The following ATAD2B variants were observed in gnomAD, a reference collection of about 807,000 sequenced individuals.
ATAD2B encodes ATPase family AAA domain containing 2B, also known as ATPase family AAA domain-containing protein 2B.
ATAD2B carries 40 observed loss-of-function variants against 167.6 expected under a neutral mutation model. That is an observed-to-expected ratio of 0.24 (90% CI 0.19 to 0.31). ATAD2B has a LOEUF of 0.31. ATAD2B is among the 10% of genes least tolerant of loss of function. The pLI, the probability that ATAD2B is intolerant of heterozygous loss-of-function variation, is 1.00. For missense variants in ATAD2B, 1,242 were observed against 1,757.2 expected, an observed-to-expected ratio of 0.71 and a Z score of 5.24; for synonymous variants, 579 against 596.5, an observed-to-expected ratio of 0.97 and a Z score of 0.43.
At chr2:23,733,137 A>C in the ATAD2B span, among the ~76,000 whole-genome samples, 1 of 152,192 alleles carries the variant, frequency 6.6e-6, no homozygotes, top group Non-Finnish European at 1.5e-5. Flanking sequence ...GAACATGCTC[A>C]GTTTTTTCAC....
intron 1 of ATAD2B, among the ~76,000 whole-genome samples, chr2:23,924,189 AAC>A (rs1376880306): frequency 2.0e-5 from 3 of 152,242 alleles, no homozygotes; most frequent in Non-Finnish European, 2.9e-5. Context: ...CTCAAAAAAA[AAC>A]AAACAAACAA....
chr2:23,921,345 T>C (rs1233471979), intron 1 of ATAD2B, among the ~76,000 whole-genome samples: 1 of 151,448 alleles, frequency 6.6e-6, no homozygotes, highest in Non-Finnish European at 1.5e-5. Flanking sequence ...TAATTCAAAG[T>C]AATATGGCAC....
intron 18 of ATAD2B, among the ~76,000 whole-genome samples, chr2:23,801,799 T>A (rs1683548463): frequency 6.6e-6 from 1 of 152,100 alleles, no homozygotes; most frequent in Non-Finnish European, 1.5e-5. Context: ...CCATTGAAGT[T>A]AGAAGTATCC....
At chr2:23,917,744 T>C (rs1553460143) in intron 1 of ATAD2B, among the ~76,000 whole-genome samples, 1 of 150,164 alleles carries the variant, frequency 6.7e-6, no homozygotes, top group Non-Finnish European at 1.5e-5. Flanking sequence ...CTGGGCAACA[T>C]AGTGAGACTC....
intron 12 of ATAD2B, among the ~76,000 whole-genome samples, chr2:23,861,535 AT>A (rs1694372204): frequency 6.6e-6 from 1 of 151,698 alleles, no homozygotes. Flanking sequence ...TACAGCAAAC[AT>A]TTCAACTATT....
At chr2:23,776,390 A>C (rs1389428671) in intron 22 of ATAD2B, among the ~76,000 whole-genome samples, 1 of 152,182 alleles carries the variant, frequency 6.6e-6, no homozygotes. Context: ...TCCATCTTAC[A>C]ACTGCCTTGA....
At chr2:23,829,592 A>C (rs970975183) in intron 14 of ATAD2B, among the ~76,000 whole-genome samples, 21 of 152,086 alleles carry the variant, frequency 1.4e-4, no homozygotes, top group African/African-American at 5.1e-4. Flanking sequence ...CTCTACAAAA[A>C]AATTGTTTTT....
At chr2:23,884,610 T>G (rs528366505) in intron 6 of ATAD2B, among the ~76,000 whole-genome samples, 155 bp downstream of exon 6, 27 of 152,306 alleles carry the variant, frequency 1.8e-4, no homozygotes, top group Middle Eastern at 6.8e-3. Context: ...AAACTCAGAT[T>G]GCCAACTGAA....
intron 8 of ATAD2B, chr2:23,872,366 G>A (rs1041663692): frequency 4.6e-6 from 3 of 645,952 alleles, no homozygotes; most frequent in Non-Finnish European, 8.8e-6. Flanking sequence ...TAGACAATGG[G>A]AATACTAGTC....
chr2:23,684,976 A>G, the ATAD2B span, among the ~76,000 whole-genome samples: 1 of 152,216 alleles, frequency 6.6e-6, no homozygotes, highest in Non-Finnish European at 1.5e-5. The surrounding 1 kb of genome is among the most constrained non-coding windows in gnomAD (Gnocchi z 4.4). Flanking sequence ...TAATGCCAGG[A>G]AAGCGCATCG....
chr2:23,890,728 C>A (rs1196999516), intron 2 of ATAD2B, among the ~76,000 whole-genome samples: 1 of 152,130 alleles, frequency 6.6e-6, no homozygotes, highest in Non-Finnish European at 1.5e-5. Context: ...AAGATGCAGA[C>A]CCTAAAGTCA....
At chr2:23,869,200 A>T (rs1173790184) in intron 9 of ATAD2B, among the ~76,000 whole-genome samples, 1 of 152,236 alleles carries the variant, frequency 6.6e-6, no homozygotes, top group Admixed American at 6.5e-5. Context: ...AGTTAGGGAA[A>T]GATCACCAGA....
intron 22 of ATAD2B, among the ~76,000 whole-genome samples, chr2:23,766,945 G>A (rs974317491): frequency 1.3e-5 from 2 of 150,494 alleles, no homozygotes; most frequent in African/African-American, 4.9e-5. Flanking sequence ...AACTAGTGCA[G>A]GTTCAGAAAA....
intron 13 of ATAD2B, among the ~76,000 whole-genome samples, chr2:23,850,183 G>A (rs551036026): frequency 4.7e-4 from 69 of 147,842 alleles, no homozygotes; most frequent in African/African-American, 1.7e-3. Context: ...ATGATCTCTA[G>A]ATCACAATAA....
intron 25 of ATAD2B, among the ~76,000 whole-genome samples, chr2:23,756,326 A>T (rs551637811): frequency 6.6e-6 from 1 of 152,286 alleles, no homozygotes; most frequent in East Asian, 1.9e-4. Context: ...CCATTAAAGG[A>T]ATTCTTAGAC....
At chr2:23,764,034 T>G (rs1677092317) in intron 23 of ATAD2B, among the ~76,000 whole-genome samples, 1 of 152,248 alleles carries the variant, frequency 6.6e-6, no homozygotes, top group Admixed American at 6.5e-5. Context: ...TGTTTCCAGT[T>G]TGTGGTTATT....
At chr2:23,872,909 T>C in intron 8 of ATAD2B, 2 of 774,252 alleles carry the variant, frequency 2.6e-6, no homozygotes, top group Non-Finnish European at 4.8e-6. Flanking sequence ...TTCATCTCCT[T>C]ATGGCCCGCC....
chr2:23,723,652 A>T, the ATAD2B span, among the ~76,000 whole-genome samples: 2 of 152,228 alleles, frequency 1.3e-5, no homozygotes, highest in Admixed American at 1.3e-4. Flanking sequence ...GGGAATTCTT[A>T]CACACCATTG....
the ATAD2B span, among the ~76,000 whole-genome samples, chr2:23,683,938 G>A: frequency 6.6e-6 from 1 of 152,180 alleles, no homozygotes; most frequent in African/African-American, 2.4e-5. Flanking sequence ...TTGTGGTTGT[G>A]ATTCCTTTGA....
Sources: allele counts gnomAD v4.1 joint callset (sites outside exome capture counted in the v4.1 genomes callset), GRCh38; gene constraint gnomAD v4.1.1; non-coding constraint Gnocchi (gnomAD v3.1); transcripts MANE v1.5; gene names NCBI Gene and HGNC (gene_info 2026-07-23, HGNC 2026-07-21).